MMRN2: variants seen among roughly 807,000 people sequenced by gnomAD.
The protein encoded by MMRN2 is multimerin 2.
A neutral mutation model predicts 68.8 loss-of-function variants in MMRN2; 53 were observed. That is an observed-to-expected ratio of 0.77 (90% confidence interval 0.62 to 0.97). The LOEUF is 0.97. Ranked by LOEUF, MMRN2 falls within the 50% of genes least tolerant of loss-of-function variation. MMRN2 has a pLI of 0.00. For synonymous variants in MMRN2, 564 were observed against 551.6 expected, an observed-to-expected ratio of 1.02 and a Z score of -0.32; for missense variants, 1,266 against 1,259.5, an observed-to-expected ratio of 1.01 and a Z score of -0.08.
intron 1 of MMRN2, chr10:86,949,555 CA>C (rs1844117019): frequency 6.6e-6 from 1 of 150,454 alleles, no homozygotes. Flanking sequence ...CACCCAAAAA[CA>C]AAACCATTGT....
At chr10:86,950,294 C>G (rs534557517) in intron 1 of MMRN2, among the ~76,000 whole-genome samples, 9 of 151,084 alleles carry the variant, frequency 6.0e-5, no homozygotes, top group African/African-American at 2.2e-4. Flanking sequence ...GGGCCAAGAT[C>G]ACACCATTGC....
chr10:86,946,611 C>T (rs1344379358), intron 1 of MMRN2, among the ~76,000 whole-genome samples: 1 of 152,182 alleles, frequency 6.6e-6, no homozygotes, highest in African/African-American at 2.4e-5. Flanking sequence ...GCTGACAGAG[C>T]CCCAGTTCAC....
chr10:86,938,033 C>T (rs572898417), intron 6 of MMRN2, among the ~76,000 whole-genome samples: 3 of 152,302 alleles, frequency 2.0e-5, no homozygotes, highest in South Asian at 4.1e-4. Flanking sequence ...TTCCTGGGCT[C>T]AAGCAATCCT....
intron 6 of MMRN2, among the ~76,000 whole-genome samples, chr10:86,939,806 G>GGTGTGTGT (rs769816445): frequency 2.0e-5 from 3 of 146,622 alleles, no homozygotes; most frequent in South Asian, 2.2e-4. Context: ...GGAAATTTGG[G>GGTGTGTGT]GTGTGTGTGT....
At chr10:86,939,160 C>T (rs1255489645) in intron 6 of MMRN2, among the ~76,000 whole-genome samples, 2 of 96,498 alleles carry the variant, frequency 2.1e-5, no homozygotes, top group African/African-American at 8.5e-5. Context: ...GAAACTCCGT[C>T]AAAAAAAAAA....
chr10:86,944,007 T>C lies in MMRN2; in HGVS notation c.777A>G (p.Ile259Met). 1 of 1,614,102 alleles carries C rather than the reference T, an allele frequency of 6.2e-7. No individual in the cohort carries two copies. Among genetic ancestry groups the C allele is most frequent in the South Asian group, 1.1e-5 (1 of 91,090 alleles). ...NQSLHSLTQA[I>M]RNLSLDVEAN... ...CCTCCACGTCAAGAGACAGGTTTCT[T>C]ATGGCCTGGGTAAGGCTGTGCAGGC... Residue 259 changes from isoleucine (I) to methionine (M), a missense_variant, in exon 6 of 7, where the codon ATA (isoleucine) becomes ATG (methionine). Coordinates refer to ENST00000372027, the MANE Select transcript of MMRN2 (RefSeq NM_024756.3).
In MMRN2 at chr10:86,942,731, C is replaced by CCG; in HGVS notation, c.2051_2052dup (p.Gly685ArgfsTer21). 7.0e-7 allele frequency: 1 copy of CCG among 1,430,108 alleles called. No individual in the cohort carries two copies. The highest frequency in any genetic ancestry group is 9.1e-7 in the Non-Finnish European group (1 of 1,100,082). 88.6% of individuals were successfully genotyped at this position (1,430,108 alleles called of 1,614,324 possible). On this transcript the variant is annotated frameshift_variant, in exon 6 of 7. Transcript: ENST00000372027. LOFTEE classifies it high-confidence loss of function. The stretch of plus-strand genomic sequence containing the variant: ...GCGGTGGTGGCGGCCTCCTCGCGGC[C>CCG]CGCGTCGTGGCTGGGCTCCAGGTGC...
At chr10:86,937,527 T>C (rs1294964775) in intron 6 of MMRN2, among the ~76,000 whole-genome samples, 4 of 151,594 alleles carry the variant, frequency 2.6e-5, no homozygotes, top group African/African-American at 9.7e-5. Flanking sequence ...GCTCAAGTGA[T>C]CCTCCAGCCT....
At chr10:86,945,824 C>G (rs776668017) in intron 1 of MMRN2, 135 bp from the exon 2 acceptor site, 2 of 1,497,760 alleles carry the variant, frequency 1.3e-6, no homozygotes, top group Non-Finnish European at 1.8e-6. Context: ...GAGAAGAGAG[C>G]CTTCCGCATT....
rs1843877917 is a variant in MMRN2 at position 86,936,347 on chromosome 10, T to C, written c.*396A>G. On this transcript the variant is annotated 3_prime_UTR_variant, in exon 7 of 7. Coordinates refer to ENST00000372027, the MANE Select transcript of MMRN2 (RefSeq NM_024756.3). ...GGAAGAATGTCTTTCTATCATACGA[T>C]AAGGGAGAAGAGAAGAGGAAGCAAG... The C allele has an allele frequency of 1.1e-5, 5 of 436,844 alleles. No individual in the cohort carries two copies. The highest frequency in any genetic ancestry group is 3.2e-5 in the East Asian group (1 of 31,088). The allele number at this position is 436,844 out of a possible 1,614,324, so 27.1% of individuals were successfully genotyped here. A position where few individuals can be genotyped will look rare whatever the true frequency, so the allele number is the denominator to read the frequency against.
intron 6 of MMRN2, among the ~76,000 whole-genome samples, chr10:86,939,160 CAAAAAA>C (rs71019439): frequency 1.0e-5 from 1 of 96,506 alleles, no homozygotes; most frequent in Non-Finnish European, 2.0e-5. Flanking sequence ...GAAACTCCGT[CAAAAAA>C]AAAAAAAAAA....
chr10:86,939,678 C>CT (rs971830277), intron 6 of MMRN2, among the ~76,000 whole-genome samples: 2 of 150,230 alleles, frequency 1.3e-5, no homozygotes, highest in South Asian at 2.2e-4. Context: ...GACCCCCACC[C>CT]CAACCCAGCC....
In MMRN2 at chr10:86,942,921, C is replaced by T. The variant is rs781279887; in HGVS notation, c.1863G>A (p.Glu621=). ...AALFGEEVLE[E]MSEQTPGPLP... ...GCGGTCCCGGCGTCTGCTCAGACAT[C>T]TCCTCCAGCACCTCCTCCCCGAAGA... The change falls in exon 6 of 7, where the codon GAG becomes GAA. Residue 621 remains glutamate (E), a synonymous_variant. Coordinates refer to ENST00000372027, the MANE Select transcript of MMRN2 (RefSeq NM_024756.3). 1 of 1,493,830 alleles carries T rather than the reference C, an allele frequency of 6.7e-7. No homozygotes were observed. The highest frequency in any genetic ancestry group is 8.9e-7 in the Non-Finnish European group (1 of 1,122,254). The allele number at this position is 1,493,830 out of a possible 1,614,324, so 92.5% of individuals were successfully genotyped here.
intron 4 of MMRN2, chr10:86,944,658 T>C (rs906880543): frequency 1.8e-6 from 1 of 553,366 alleles, no homozygotes; most frequent in Non-Finnish European, 3.2e-6. Flanking sequence ...TCAATCATGG[T>C]ACACTCCCCT....
chr10:86,957,238 C>T (rs1480437644), intron 1 of MMRN2, 140 bp downstream of exon 1: 24 of 877,748 alleles, frequency 2.7e-5, no homozygotes, highest in Non-Finnish European at 4.1e-5. Context: ...ACTTTTTCAG[C>T]CTCACAGATG....
At position 86,943,278 on chromosome 10, in the gene MMRN2, G is replaced by A. The variant is rs1227038045; in HGVS notation, c.1506C>T (p.Asp502=). The A allele has an allele frequency of 6.2e-7, 1 of 1,613,408 alleles. No homozygotes were observed. Among genetic ancestry groups the A allele is most frequent in the African/African-American group, 1.3e-5 (1 of 74,938 alleles). ...CNCQKLYLDL[D]VIREGQRDAT... ...CGTCCCTCTGGCCCTCCCGGATGAC[G>A]TCCAGGTCTAAATAGAGCTTCTGGC... The change falls in exon 6 of 7, where the codon GAC becomes GAT. Residue 502 remains aspartate (D), a synonymous_variant. Transcript: ENST00000372027. The surrounding 1 kb of genome is among the most constrained non-coding windows in gnomAD (Gnocchi z 4.2).
At chr10:86,945,045 T>C in intron 4 of MMRN2, 143 bp downstream of exon 4, 1 of 681,896 alleles carries the variant, frequency 1.5e-6, no homozygotes, top group Non-Finnish European at 2.5e-6. Flanking sequence ...AGGTGGGAGG[T>C]GGTACAGGCC....
At position 86,935,598 on chromosome 10, in the gene MMRN2, T is replaced by G. The variant is rs1843865586; in HGVS notation, c.*1145A>C. ...ATTAGTGAGGGGGATTTTTACAGTCTTCTTTCCCTCCTCCCTCAGCTGCCT... is the reference window on the plus strand; with the variant it reads ...ATTAGTGAGGGGGATTTTTACAGTCGTCTTTCCCTCCTCCCTCAGCTGCCT... On this transcript the variant is annotated 3_prime_UTR_variant, in exon 7 of 7. Transcript: ENST00000372027. The G allele has an allele frequency of 1.3e-5, 2 of 152,200 alleles. No individual in the cohort carries two copies. Among genetic ancestry groups the G allele is most frequent in the African/African-American group, 2.4e-5 (1 of 41,458 alleles). 9.4% of individuals were successfully genotyped at this position (152,200 alleles called of 1,614,324 possible).
In MMRN2 at chr10:86,943,878, C is replaced by G; in HGVS notation, c.906G>C (p.Gln302His). 1 of 1,614,006 alleles carries G rather than the reference C, an allele frequency of 6.2e-7. No homozygotes were observed. The change falls in exon 6 of 7, where the codon CAG becomes CAC. Residue 302 changes from glutamine (Q) to histidine (H), a missense_variant. By Grantham distance (24) the Gln-to-His change is conservative. Coordinates refer to ENST00000372027, the MANE Select transcript of MMRN2 (RefSeq NM_024756.3). This position sits in a 1 kb window ranked among gnomAD's most constrained non-coding sequence, Gnocchi z 4.2. ...CGTCCTGTCGCAGCTGACCCACTCT[C>G]TGAGTGTTCTCCTGGACCTTGGCCT... ...KFEAKVQENT[Q>H]RVGQLRQDVE...
Sources: allele counts gnomAD v4.1 joint callset (sites outside exome capture counted in the v4.1 genomes callset), GRCh38; gene constraint gnomAD v4.1.1; non-coding constraint Gnocchi (gnomAD v3.1); transcripts MANE v1.5; gene names NCBI Gene and HGNC (gene_info 2026-07-23, HGNC 2026-07-21).